The following QNG1 variants were observed in gnomAD, a reference collection of about 807,000 sequenced individuals.
QNG1 encodes queuosine 5'-phosphate N-glycosylase/hydrolase.
At chr9:83,947,782 C>T in the QNG1 span, among the ~76,000 whole-genome samples, 3 of 152,320 alleles carry the variant, frequency 2.0e-5, no homozygotes, top group South Asian at 2.1e-4. Flanking sequence ...CCCGAGGTGC[C>T]GGGATTGCAG....
At chr9:83,956,258 C>T in the QNG1 span, 3 of 1,614,132 alleles carry the variant, frequency 1.9e-6, no homozygotes, top group Non-Finnish European at 2.5e-6. Flanking sequence ...GCTCGTCCTG[C>T]TCCGACCAAA....
chr9:83,947,938 G>T, the QNG1 span, among the ~76,000 whole-genome samples: 3 of 152,080 alleles, frequency 2.0e-5, no homozygotes, highest in African/African-American at 4.8e-5. Context: ...CCGCCACCCC[G>T]TATGGGAAGT....
the QNG1 span, among the ~76,000 whole-genome samples, chr9:83,943,726 T>A: frequency 6.6e-6 from 1 of 152,070 alleles, no homozygotes. Context: ...CTACTTCTTT[T>A]AAAAAAATAC....
chr9:83,941,870 G>C, the QNG1 span, among the ~76,000 whole-genome samples: 1 of 151,656 alleles, frequency 6.6e-6, no homozygotes, highest in Admixed American at 6.6e-5. Context: ...CTGAGATGGC[G>C]CCATTGCACT....
the QNG1 span, chr9:83,939,566 T>C: frequency 6.2e-7 from 1 of 1,614,110 alleles, no homozygotes; most frequent in South Asian, 1.1e-5. Flanking sequence ...ATCTTCCCTA[T>C]GGTCATGGGC....
chr9:83,948,611 A>G, the QNG1 span, among the ~76,000 whole-genome samples: 1 of 152,160 alleles, frequency 6.6e-6, no homozygotes, highest in South Asian at 2.1e-4. Context: ...CAGCTCATTG[A>G]GAGCGGGCCA....
At chr9:83,943,892 G>T in the QNG1 span, among the ~76,000 whole-genome samples, 1 of 152,110 alleles carries the variant, frequency 6.6e-6, no homozygotes, top group African/African-American at 2.4e-5. Context: ...GTGGTGGCGG[G>T]CGCCTGTAGT....
At chr9:83,954,543 C>G in the QNG1 span, among the ~76,000 whole-genome samples, 3 of 151,140 alleles carry the variant, frequency 2.0e-5, no homozygotes, top group Non-Finnish European at 4.4e-5. Flanking sequence ...GATAGTGCCA[C>G]TGCACTCCAG....
chr9:83,954,423 A>G, the QNG1 span, among the ~76,000 whole-genome samples: 1 of 152,186 alleles, frequency 6.6e-6, no homozygotes, highest in East Asian at 1.9e-4. Context: ...TACTAAAAAT[A>G]CAAAAAAACT....
chr9:83,950,137 C>T, the QNG1 span, among the ~76,000 whole-genome samples: 2 of 151,186 alleles, frequency 1.3e-5, no homozygotes, highest in Non-Finnish European at 2.9e-5. Context: ...GCAACCTCTG[C>T]CTCCCGGGTT....
At chr9:83,944,648 A>G in the QNG1 span, 2 of 599,660 alleles carry the variant, frequency 3.3e-6, no homozygotes, top group African/African-American at 1.9e-5. Flanking sequence ...TTTTCTCTAC[A>G]TTTTGTCTTT....
the QNG1 span, among the ~76,000 whole-genome samples, chr9:83,948,858 G>A: frequency 1.3e-5 from 2 of 152,114 alleles, no homozygotes; most frequent in Non-Finnish European, 2.9e-5. Context: ...AAAGGGCGGT[G>A]CAAGATGTGC....
the QNG1 span, among the ~76,000 whole-genome samples, chr9:83,946,830 C>T: frequency 6.6e-6 from 1 of 152,178 alleles, no homozygotes; most frequent in Non-Finnish European, 1.5e-5. Context: ...AACTCCTGAC[C>T]TCAGGCGATC....
the QNG1 span, among the ~76,000 whole-genome samples, chr9:83,948,512 A>AC: frequency 1.1e-3 from 145 of 131,590 alleles, no homozygotes; most frequent in Non-Finnish European, 1.9e-3. Context: ...CCTGTCCGGG[A>AC]GGGGGGGGGC....
the QNG1 span, chr9:83,956,208 C>T: frequency 6.2e-7 from 1 of 1,613,540 alleles, no homozygotes; most frequent in Non-Finnish European, 8.5e-7. Flanking sequence ...GGACCAGTAC[C>T]CACTGTATGT....
chr9:83,942,953 CAATT>C, the QNG1 span, among the ~76,000 whole-genome samples: 1 of 152,080 alleles, frequency 6.6e-6, no homozygotes, highest in Non-Finnish European at 1.5e-5. Flanking sequence ...GTAGCAGAGA[CAATT>C]AAGTGCCATA....
chr9:83,941,040 A>G, the QNG1 span, among the ~76,000 whole-genome samples: 9 of 152,320 alleles, frequency 5.9e-5, no homozygotes, highest in Middle Eastern at 0.01. Flanking sequence ...CTGCCAAATC[A>G]GCCAACAGAG....
At chr9:83,955,312 G>A in the QNG1 span, 42 of 1,510,728 alleles carry the variant, frequency 2.8e-5, no homozygotes, top group African/African-American at 4.6e-4. Flanking sequence ...CTTAAAATGA[G>A]TTCTGGAAGT....
chr9:83,953,812 C>T, the QNG1 span: 1 of 1,549,230 alleles, frequency 6.5e-7, no homozygotes, highest in Non-Finnish European at 8.7e-7. Flanking sequence ...CTGTGAGGGT[C>T]CAACAAAATG....
Sources: allele counts gnomAD v4.1 joint callset (sites outside exome capture counted in the v4.1 genomes callset), GRCh38; gene constraint gnomAD v4.1.1; transcripts MANE v1.5; gene names NCBI Gene and HGNC (gene_info 2026-07-23, HGNC 2026-07-21).